Variants in GUF1 observed in about 807,000 individuals in gnomAD.
The protein encoded by GUF1 is translation factor GUF1, mitochondrial.
In GUF1, 78 loss-of-function variants were observed where a neutral mutation model predicts 82.4. The observed-to-expected ratio is 0.95, with a 90% CI of 0.79 to 1.14. The LOEUF (loss-of-function observed/expected upper bound fraction) is 1.14, where lower values mean the gene tolerates loss of function less well. Among genes scored for constraint, GUF1 ranks in the 50% most tolerant of loss-of-function variants. The pLI is 0.00. For synonymous variants in GUF1, 279 were observed against 282.3 expected (o/e 0.99, Z 0.12); for missense variants, 814 against 798.2 (o/e 1.02, Z -0.24).
At position 44,680,510 on chromosome 4, in the gene GUF1, C is replaced by A. The variant is rs751028108; in HGVS notation, c.235C>A (p.His79Asn). The change falls in exon 2 of 17, where the codon CAT becomes AAT. Residue 79 changes from histidine (H) to asparagine (N), a missense_variant. Coordinates refer to ENST00000281543, the MANE Select transcript of GUF1 (RefSeq NM_021927.3). ...TTTCAGTATTGTTGCACACGTGGATCATGGCAAAAGTACTTTAGCTGACAG... is the reference window on the plus strand; with the variant it reads ...TTTCAGTATTGTTGCACACGTGGATAATGGCAAAAGTACTTTAGCTGACAG... ...RNFSIVAHVDHGKSTLADRLL... is the reference protein window; with the variant it reads ...RNFSIVAHVDNGKSTLADRLL... The A allele has an allele frequency of 6.2e-7, 1 of 1,609,844 alleles. No homozygotes were observed. The highest frequency in any genetic ancestry group is 8.5e-7 in the Non-Finnish European group (1 of 1,177,588).
chr4:44,686,254 C>G (rs1402164902), intron 7 of GUF1, among the ~76,000 whole-genome samples: 1 of 151,956 alleles, frequency 6.6e-6, no homozygotes, highest in Non-Finnish European at 1.5e-5. Flanking sequence ...CTTTTCATGA[C>G]AATCATTATA....
At chr4:44,693,428 T>G (rs997793296) in intron 13 of GUF1, among the ~76,000 whole-genome samples, 1 of 152,064 alleles carries the variant, frequency 6.6e-6, no homozygotes, top group Admixed American at 6.6e-5. Context: ...TCTGTTTTAT[T>G]CTCTATTTGC....
Position 44,686,009 on chromosome 4 carries a change from T to G in GUF1, c.720T>G (p.Ile240Met). Reference sequence around the variant, plus strand: ...TTGAGAGTGTTCTTCAGGCAATTATTGAAAGAATCCCCCCGTGAGTATTTG... The same window carrying G: ...TTGAGAGTGTTCTTCAGGCAATTATGGAAAGAATCCCCCCGTGAGTATTTG... ...TNVESVLQAI[I>M]ERIPPPKVHR... Residue 240 changes from isoleucine to methionine, a missense_variant, in exon 7 of 17, where the codon ATT becomes ATG. Coordinates refer to ENST00000281543, the MANE Select transcript of GUF1 (RefSeq NM_021927.3). The G allele has an allele frequency of 1.2e-6, 2 of 1,604,892 alleles. No individual in the cohort carries two copies. Among genetic ancestry groups the G allele is most frequent in the Non-Finnish European group, 1.7e-6 (2 of 1,172,704 alleles).
At chr4:44,696,363 C>T (rs1715827894) in intron 15 of GUF1, among the ~76,000 whole-genome samples, 1 of 152,116 alleles carries the variant, frequency 6.6e-6, no homozygotes, top group African/African-American at 2.4e-5. Flanking sequence ...ACTTGGGAGG[C>T]TGGGGCAGGA....
intron 8 of GUF1, among the ~76,000 whole-genome samples, chr4:44,687,044 A>T (rs915093462): frequency 6.6e-6 from 1 of 151,946 alleles, no homozygotes; most frequent in Admixed American, 6.6e-5. Context: ...ACATTTCTTC[A>T]TAACTAGATT....
chr4:44,700,852 A>G lies in GUF1; in HGVS notation c.*2171A>G, dbSNP rs1577575145. 2 of 152,314 alleles carry G rather than the reference A, an allele frequency of 1.3e-5. No individual in the cohort carries two copies. Among genetic ancestry groups the G allele is most frequent in the South Asian group, 4.1e-4 (2 of 4,834 alleles). The allele number at this position is 152,314 out of a possible 1,614,324, so 9.4% of individuals were successfully genotyped here. A position where few individuals can be genotyped will look rare whatever the true frequency, so the allele number is the denominator to read the frequency against. ...CCTCCCTCTTCCAGGTTCTGATAAAAACAGATGAAATCTGAAAGACCATGA... is the reference window on the plus strand; with the variant it reads ...CCTCCCTCTTCCAGGTTCTGATAAAGACAGATGAAATCTGAAAGACCATGA... On this transcript the variant is annotated 3_prime_UTR_variant, in exon 17 of 17. Coordinates refer to ENST00000281543, the MANE Select transcript of GUF1 (RefSeq NM_021927.3).
intron 13 of GUF1, among the ~76,000 whole-genome samples, chr4:44,693,747 G>A (rs1291612848): frequency 6.6e-6 from 1 of 152,070 alleles, no homozygotes; most frequent in Non-Finnish European, 1.5e-5. Flanking sequence ...ACATTTAAAT[G>A]TCTGTTTTGA....
At chr4:44,688,956 G>A (rs1464781230) in intron 9 of GUF1, among the ~76,000 whole-genome samples, 1 of 150,624 alleles carries the variant, frequency 6.6e-6, no homozygotes, top group African/African-American at 2.4e-5. Flanking sequence ...GGAATGTCTT[G>A]TGCTTTTGTT....
At chr4:44,698,491 ATTGTTTCTCT>A in intron 16 of GUF1, 43 bp from the exon 17 acceptor site, 1 of 1,406,914 alleles carries the variant, frequency 7.1e-7, no homozygotes. Flanking sequence ...TAATCATATG[ATTGTTTCTCT>A]TTAGAGTGAC....
chr4:44,698,749 A>G lies in GUF1; in HGVS notation c.*68A>G. Reference sequence around the variant, plus strand: ...CTGACAACAGAAAGAAAATTATAAAATTTGCTTGTTACTTTCAGGGTATTC... The same window carrying G: ...CTGACAACAGAAAGAAAATTATAAAGTTTGCTTGTTACTTTCAGGGTATTC... On this transcript the variant is annotated 3_prime_UTR_variant, in exon 17 of 17. Coordinates refer to ENST00000281543, the MANE Select transcript of GUF1 (RefSeq NM_021927.3). 1 of 1,439,074 alleles carries G rather than the reference A, an allele frequency of 6.9e-7. No homozygotes were observed. The highest frequency in any genetic ancestry group is 1.3e-5 in the South Asian group (1 of 74,248). 89.1% of individuals were successfully genotyped at this position (1,439,074 alleles called of 1,614,324 possible).
chr4:44,694,951 C>T (rs1005178743), intron 14 of GUF1, among the ~76,000 whole-genome samples: 4 of 151,952 alleles, frequency 2.6e-5, no homozygotes, highest in Non-Finnish European at 5.9e-5. Context: ...GGACTACAAG[C>T]GCATGCTACC....
In GUF1 at chr4:44,698,605, A is replaced by G. The variant is rs139919081; in HGVS notation, c.1934A>G (p.Lys645Arg). The change falls in exon 17 of 17, where the codon AAG becomes AGG. Residue 645 changes from lysine (K) to arginine (R), a missense_variant. Transcript: ENST00000281543. ...LLKRQAEGKK[K>R]LRKIGNVEVP... ...AAGAGACAAGCAGAAGGGAAAAAAA[A>G]GCTGAGGAAAATTGGCAACGTTGAA... The G allele has an allele frequency of 7.1e-5, 115 of 1,611,462 alleles. No homozygotes were observed. The African/African-American group carries it at 1.4e-3, about 20-fold the overall frequency.
intron 16 of GUF1, among the ~76,000 whole-genome samples, chr4:44,698,077 CGGA>C (rs1176588792): frequency 1.3e-5 from 2 of 151,996 alleles, no homozygotes; most frequent in African/African-American, 4.8e-5. Context: ...GCTCAGGAGG[CGGA>C]GGTTACAGTG....
chr4:44,689,528 A>C, intron 10 of GUF1, 119 bp downstream of exon 10: 1 of 1,150,268 alleles, frequency 8.7e-7, no homozygotes, highest in Admixed American at 2.7e-5. Flanking sequence ...GGAGGTATAA[A>C]ATGGTGCATT....
chr4:44,693,451 A>T (rs1288048975), intron 13 of GUF1, among the ~76,000 whole-genome samples: 14 of 152,084 alleles, frequency 9.2e-5, no homozygotes. Context: ...TGTATTCTGT[A>T]TGATACTTAA....
rs759581426 is a variant in GUF1 at position 44,695,652 on chromosome 4, C to T, written c.1753C>T (p.Arg585Trp). Residue 585 changes from arginine (R) to tryptophan (W), a missense_variant, in exon 15 of 17, where the codon CGG becomes TGG. Coordinates refer to ENST00000281543, the MANE Select transcript of GUF1 (RefSeq NM_021927.3). ...TTCAATTGGCAAAGCCATATGTGAA[C>T]GGCTGAAGGATTCTCTTCCTAGGCA... The part of the protein sequence containing the change: ...AHSIGKAICE[R>W]LKDSLPRQLF... The T allele has an allele frequency of 9.9e-6, 16 of 1,612,580 alleles. No individual in the cohort carries two copies. The highest frequency in any genetic ancestry group is 8.3e-5 in the Admixed American group (5 of 59,974).
rs538034337 is a variant in GUF1, at chr4:44,698,323, A to G, written c.1873-221A>G. Reference sequence around the variant, plus strand: ...ATTCTTCCTTGACATGCATATTATTATACTAGGTTTCCTTGGGAATCTTCA... The same window carrying G: ...ATTCTTCCTTGACATGCATATTATTGTACTAGGTTTCCTTGGGAATCTTCA... On this transcript the variant is annotated intron_variant, in intron 16 of 16. Coordinates refer to ENST00000281543, the MANE Select transcript of GUF1 (RefSeq NM_021927.3). Among the ~76,000 whole-genome samples the G allele has an allele frequency of 7.2e-5, 11 of 152,160 alleles. No individual in the cohort carries two copies. In the South Asian group the frequency reaches 2.3e-3, roughly 32 times the overall value.
At chr4:44,689,776 A>AT (rs1393717346) in intron 10 of GUF1, 67 bp from the exon 11 acceptor site, 12 of 922,852 alleles carry the variant, frequency 1.3e-5, no homozygotes, top group African/African-American at 8.8e-5. Flanking sequence ...CAATATGTTC[A>AT]TTAAAAAAAA....
chr4:44,686,320 T>G (rs889116880), intron 7 of GUF1, among the ~76,000 whole-genome samples, 190 bp from the exon 8 acceptor site: 4 of 152,034 alleles, frequency 2.6e-5, no homozygotes, highest in Non-Finnish European at 4.4e-5. Context: ...TGAACAAATA[T>G]ATTCATAAAT....
Sources: allele counts gnomAD v4.1 joint callset (sites outside exome capture counted in the v4.1 genomes callset), GRCh38; gene constraint gnomAD v4.1.1; transcripts MANE v1.5; gene names NCBI Gene and HGNC (gene_info 2026-07-23, HGNC 2026-07-21).